Variants in SFMBT2 observed in about 807,000 individuals in gnomAD.
The protein encoded by SFMBT2 is scm-like with four MBT domains protein 2.
In SFMBT2, 38 loss-of-function variants were observed where a neutral mutation model predicts 110.1. The observed-to-expected ratio is 0.35, with a 90% confidence interval of 0.27 to 0.45. The LOEUF (loss-of-function observed/expected upper bound fraction) is 0.45. Ranked by LOEUF, SFMBT2 falls within the 20% of genes least tolerant of loss-of-function variation. SFMBT2 has a pLI of 1.00. For synonymous variants in SFMBT2, 425 were observed against 425.4 expected, an observed-to-expected ratio of 1.00 and a Z score of 0.01; for missense variants, 1,011 against 1,094.9, an observed-to-expected ratio of 0.92 and a Z score of 1.08.
At chr10:7,227,829 A>T (rs1839939752) in intron 10 of SFMBT2, 26 bp downstream of exon 10, 1 of 1,586,798 alleles carries the variant, frequency 6.3e-7, no homozygotes. Context: ...GATTTTTAAA[A>T]ATTAGGTAAG....
intron 7 of SFMBT2, among the ~76,000 whole-genome samples, chr10:7,272,683 G>T (rs1479786104): frequency 6.6e-6 from 1 of 152,142 alleles, no homozygotes; most frequent in Non-Finnish European, 1.5e-5. Context: ...GGGACATTGG[G>T]AGACTGAAAA....
In SFMBT2 at chr10:7,367,112, C is replaced by T. The variant is rs1844933247; in HGVS notation, c.436+537G>A. Among the ~76,000 whole-genome samples, 1 of 151,136 alleles carries T rather than the reference C, an allele frequency of 6.6e-6. No individual in the cohort carries two copies. The highest frequency in any genetic ancestry group is 1.5e-5 in the Non-Finnish European group (1 of 67,880). On this transcript the variant is annotated intron_variant, in intron 4 of 20. Coordinates refer to ENST00000397167, the MANE Select transcript of SFMBT2 (RefSeq NM_001387889.1). This position sits in a 1 kb window ranked among gnomAD's most constrained non-coding sequence, Gnocchi z 6.2. ...TACCTTAAGTTTTAGGGCACAAGTG[C>T]TGTATGGTTTTCTAAAAGCTTGACA...
chr10:7,223,383 T>A (rs555365161), intron 10 of SFMBT2, among the ~76,000 whole-genome samples: 1 of 152,324 alleles, frequency 6.6e-6, no homozygotes, highest in African/African-American at 2.4e-5. Context: ...CCCTGCTGAC[T>A]ACTGATGCTG....
intron 4 of SFMBT2, among the ~76,000 whole-genome samples, chr10:7,302,945 T>C (rs540712566): frequency 5.9e-5 from 9 of 151,662 alleles, no homozygotes; most frequent in African/African-American, 2.2e-4. Flanking sequence ...ATTCTTCAAA[T>C]AGACAAATCA....
intron 9 of SFMBT2, among the ~76,000 whole-genome samples, chr10:7,228,810 G>A (rs73615424): frequency 0.042 from 4,497 of 108,304 alleles, 130 homozygotes; most frequent in African/African-American, 0.084. Context: ...CTCTTTCTTT[G>A]TATTCACTTC....
intron 12 of SFMBT2, chr10:7,204,931 C>T (rs1839079207): frequency 3.0e-6 from 3 of 984,970 alleles, no homozygotes; most frequent in Non-Finnish European, 3.6e-6. Flanking sequence ...CGTGTGTGCA[C>T]ACATGTATGA....
intron 4 of SFMBT2, among the ~76,000 whole-genome samples, chr10:7,349,471 G>C (rs558347331): frequency 1.8e-4 from 12 of 65,800 alleles, no homozygotes; most frequent in East Asian, 1.0e-3. Context: ...TTTTTTGCGG[G>C]GGGGAGACGG....
At chr10:7,346,361 G>C (rs1451721964) in intron 4 of SFMBT2, among the ~76,000 whole-genome samples, 1 of 152,154 alleles carries the variant, frequency 6.6e-6, no homozygotes, top group East Asian at 1.9e-4. Context: ...GTAAAAACCA[G>C]ATTGAAACAG....
chr10:7,397,596 G>C (rs2132117174), intron 1 of SFMBT2, among the ~76,000 whole-genome samples: 1 of 152,134 alleles, frequency 6.6e-6, no homozygotes, highest in South Asian at 2.1e-4. Context: ...CAATCAAAAT[G>C]GAAAAATCTC....
intron 6 of SFMBT2, among the ~76,000 whole-genome samples, chr10:7,280,740 C>T (rs1310778382): frequency 2.0e-5 from 3 of 152,102 alleles, no homozygotes; most frequent in African/African-American, 4.8e-5. Flanking sequence ...GTTTCTTTCC[C>T]CTCCTCCTTC....
intron 11 of SFMBT2, among the ~76,000 whole-genome samples, chr10:7,217,590 G>A (rs1461158488): frequency 1.3e-5 from 2 of 152,262 alleles, no homozygotes; most frequent in East Asian, 1.9e-4. Flanking sequence ...CTTCTTCTGG[G>A]CTAAAGAGCT....
chr10:7,220,728 A>G (rs1051838485), intron 10 of SFMBT2, among the ~76,000 whole-genome samples, 191 bp from the exon 11 acceptor site: 14 of 152,250 alleles, frequency 9.2e-5, no homozygotes, highest in African/African-American at 3.4e-4. Context: ...CCCAGAAATT[A>G]GAACTATGCC....
chr10:7,316,707 A>G (rs1843022997), intron 4 of SFMBT2, among the ~76,000 whole-genome samples: 1 of 152,198 alleles, frequency 6.6e-6, no homozygotes, highest in Admixed American at 6.5e-5. Context: ...CTGTAAATGA[A>G]GAGGTTCCCC....
At chr10:7,406,250 A>AAAAAAG (rs1217894060) in intron 1 of SFMBT2, among the ~76,000 whole-genome samples, 1 of 152,084 alleles carries the variant, frequency 6.6e-6, no homozygotes, top group African/African-American at 2.4e-5. Context: ...AAATTATTTA[A>AAAAAAG]AAAAAGAAAA....
chr10:7,205,151 T>C (rs1402229369), intron 12 of SFMBT2: 1 of 210,630 alleles, frequency 4.7e-6, no homozygotes, highest in Non-Finnish European at 8.2e-6. Flanking sequence ...GTTGCCATCT[T>C]GGCTCATTGC....
At chr10:7,168,209 T>C (rs1220509334) in intron 20 of SFMBT2, among the ~76,000 whole-genome samples, 1 of 152,200 alleles carries the variant, frequency 6.6e-6, no homozygotes, top group Non-Finnish European at 1.5e-5. Flanking sequence ...AAAGGAAGAC[T>C]CAATACTTTA....
At chr10:7,369,706 A>C (rs1157041849) in intron 3 of SFMBT2, among the ~76,000 whole-genome samples, 4 of 152,182 alleles carry the variant, frequency 2.6e-5, no homozygotes, top group Admixed American at 6.5e-5. Context: ...CATTACACCT[A>C]CTAAGAATAC....
intron 4 of SFMBT2, among the ~76,000 whole-genome samples, chr10:7,304,908 A>G (rs935118319): frequency 1.3e-5 from 2 of 152,210 alleles, no homozygotes; most frequent in African/African-American, 4.8e-5. Flanking sequence ...GAGAAGAAAC[A>G]GGACAGTTGC....
At chr10:7,229,008 G>A (rs540920822) in intron 9 of SFMBT2, among the ~76,000 whole-genome samples, 1 of 152,194 alleles carries the variant, frequency 6.6e-6, no homozygotes, top group Admixed American at 6.5e-5. Flanking sequence ...AAGGAGTGAG[G>A]TGTCAAAACC....
Sources: gnomAD v4.1 joint callset for allele counts (sites outside exome capture counted in the v4.1 genomes callset) on GRCh38, gnomAD v4.1.1 for gene constraint, Gnocchi (gnomAD v3.1) non-coding constraint, MANE v1.5 for transcripts, NCBI Gene and HGNC (gene_info 2026-07-23, HGNC 2026-07-21) for gene names.